Variants in BRAT1 observed in about 807,000 individuals in gnomAD.
The protein encoded by BRAT1 is integrator complex assembly factor BRAT1.
BRAT1 carries 74 observed loss-of-function variants against 70.6 expected under a neutral mutation model. That is an observed-to-expected ratio of 1.05 (90% CI 0.87 to 1.27). The LOEUF (loss-of-function observed/expected upper bound fraction) is 1.27, where lower values mean the gene tolerates loss of function less well. Ranked by LOEUF, BRAT1 falls within the 50% of genes most tolerant of loss-of-function variation. The pLI, the probability that BRAT1 is intolerant of heterozygous loss-of-function variation, is 0.00. For synonymous variants in BRAT1, 615 were observed against 517.1 expected, an observed-to-expected ratio of 1.19 and a Z score of -2.57; for missense variants, 1,203 against 1,098.2, an observed-to-expected ratio of 1.10 and a Z score of -1.35.
chr7:2,543,318 G>C lies in BRAT1; in HGVS notation c.809C>G (p.Pro270Arg), dbSNP rs1779328520. 6.2e-7 allele frequency: 1 copy of C among 1,600,894 alleles called. No individual in the cohort carries two copies. Among genetic ancestry groups the C allele is most frequent in the Non-Finnish European group, 8.5e-7 (1 of 1,173,082 alleles). Residue 270 changes from proline to arginine, a missense_variant, in exon 6 of 14, where the codon CCC becomes CGC. By Grantham distance (103) the Pro-to-Arg change is moderately radical (BLOSUM62 -2). Transcript: ENST00000340611. The surrounding 1 kb of genome is among the most constrained non-coding windows in gnomAD (Gnocchi z 5.5). ...VDLLLCVARSPVFSSSDGSLW... is the reference protein window; with the variant it reads ...VDLLLCVARSRVFSSSDGSLW... Reference sequence around the variant, plus strand: ...GCTGCCGTCGGAAGAACTGAACACGGGAGAACTGCAGGGAGACCCCAGAGA... The same window carrying C: ...GCTGCCGTCGGAAGAACTGAACACGCGAGAACTGCAGGGAGACCCCAGAGA...
Position 2,538,168 on chromosome 7 carries a change from G to A in BRAT1, c.2367C>T (p.Ala789=), listed in dbSNP as rs200892967. ...LDLEGLRSTL[A]ESSDHVEKSP... ...TCTTTTCCACGTGGTCGCTGCTCTCGGCCAGCGTGCTCCGCAGGCCCTCCA... is the reference window on the plus strand; with the variant it reads ...TCTTTTCCACGTGGTCGCTGCTCTCAGCCAGCGTGCTCCGCAGGCCCTCCA... Residue 789 remains alanine, a synonymous_variant, in exon 14 of 14, where the codon GCC becomes GCT. Coordinates refer to ENST00000340611, the MANE Select transcript of BRAT1 (RefSeq NM_152743.4). 1.3e-5 allele frequency: 21 copies of A among 1,608,810 alleles called. No individual in the cohort carries two copies. Among genetic ancestry groups the A allele is most frequent in the African/African-American group, 4.0e-5 (3 of 74,998 alleles).
intron 3 of BRAT1, among the ~76,000 whole-genome samples, chr7:2,546,538 C>G (rs747427151): frequency 2.0e-5 from 3 of 152,126 alleles, no homozygotes; most frequent in African/African-American, 7.2e-5. Flanking sequence ...AGTTCGTGAT[C>G]AGCCTGGCCA....
intron 3 of BRAT1, 28 bp downstream of exon 3, chr7:2,547,296 A>T: frequency 6.2e-7 from 1 of 1,611,786 alleles, no homozygotes; most frequent in Non-Finnish European, 8.5e-7. Context: ...TCTCCACGGG[A>T]CACTCAGGTG....
intron 12 of BRAT1, 75 bp from the exon 13 acceptor site, chr7:2,539,426 C>A: frequency 6.5e-7 from 1 of 1,528,944 alleles, no homozygotes; most frequent in East Asian, 2.4e-5. Flanking sequence ...CCTCCATCCC[C>A]TTGTGGGCAG....
chr7:2,538,128 G>A lies in BRAT1; in HGVS notation c.2407C>T (p.Leu803=). The A allele has an allele frequency of 6.2e-7, 1 of 1,603,276 alleles. No homozygotes were observed. The highest frequency in any genetic ancestry group is 8.5e-7 in the Non-Finnish European group (1 of 1,172,448). The stretch of plus-strand genomic sequence containing the variant: ...CCTCCCGTGGCCAGCATGTCCTGCA[G>A]GAGGGACTGGGGACTCTTTTCCACG... ...DHVEKSPQSL[L]QDMLATGGFL... The change falls in exon 14 of 14, where the codon CTG becomes TTG. Residue 803 remains leucine, a synonymous_variant. Coordinates refer to ENST00000340611, the MANE Select transcript of BRAT1 (RefSeq NM_152743.4).
At chr7:2,550,032 G>T (rs769296558) in intron 2 of BRAT1, among the ~76,000 whole-genome samples, 11 of 151,948 alleles carry the variant, frequency 7.2e-5, no homozygotes, top group Non-Finnish European at 1.6e-4. Flanking sequence ...GTGTGGTGGT[G>T]TGTCCCTGTA....
chr7:2,548,506 A>T (rs1349977747), intron 2 of BRAT1, among the ~76,000 whole-genome samples: 1 of 151,928 alleles, frequency 6.6e-6, no homozygotes, highest in Non-Finnish European at 1.5e-5. Flanking sequence ...TCTACAAAAA[A>T]TAAAAAAAAA....
chr7:2,551,240 CAA>C (rs200783996), intron 2 of BRAT1, among the ~76,000 whole-genome samples: 4 of 121,638 alleles, frequency 3.3e-5, no homozygotes, highest in Admixed American at 8.4e-5. Context: ...GACTTGGTCT[CAA>C]AAAAAAAAAA....
At chr7:2,541,151 G>A (rs1779124062) in intron 9 of BRAT1, 99 bp from the exon 10 acceptor site, 1 of 1,446,022 alleles carries the variant, frequency 6.9e-7, no homozygotes, top group Admixed American at 2.9e-5. Flanking sequence ...TCCGCCAGCT[G>A]AAACCTCCTG....
At chr7:2,550,481 C>CAAAAAAAAAAAAAAAAAAAAAA (rs369777124) in intron 2 of BRAT1, among the ~76,000 whole-genome samples, 37 of 57,376 alleles carry the variant, frequency 6.4e-4, no homozygotes, top group East Asian at 8.1e-4. Flanking sequence ...AAAAAAAAAA[C>CAAAAAAAAAAAAAAAAAAAAAA]AAAAAAAAAA....
rs780327501 is a variant in BRAT1, at chr7:2,541,723, G to A, written c.1129C>T (p.Pro377Ser). 2 of 1,607,252 alleles carry A rather than the reference G, an allele frequency of 1.2e-6. No homozygotes were observed. Among genetic ancestry groups the A allele is most frequent in the African/African-American group, 1.3e-5 (1 of 74,858 alleles). ...RTLAHLEELQ[P>S]LPQRPSPWPQ... Reference sequence around the variant, plus strand: ...GAGGACCGGGCCGCACCTACCAGCGGCTGCAGCTCCTCCAGGTGAGCCAGG... The same window carrying A: ...GAGGACCGGGCCGCACCTACCAGCGACTGCAGCTCCTCCAGGTGAGCCAGG... Residue 377 changes from proline to serine, a missense_variant, in exon 8 of 14, where the codon CCG (proline) becomes TCG (serine). Transcript: ENST00000340611.
chr7:2,552,106 A>ATATT (rs1245262304), intron 2 of BRAT1, among the ~76,000 whole-genome samples: 3 of 14,214 alleles, frequency 2.1e-4, no homozygotes, highest in Non-Finnish European at 4.1e-4. Flanking sequence ...ATATATATAT[A>ATATT]TTTTTTTTTT....
chr7:2,553,088 A>G (rs1200092132), intron 2 of BRAT1, among the ~76,000 whole-genome samples: 1 of 151,910 alleles, frequency 6.6e-6, no homozygotes, highest in Non-Finnish European at 1.5e-5. Flanking sequence ...GCTGGAGTGC[A>G]GTGGCACGAT....
Position 2,541,767 on chromosome 7 carries a change from G to A in BRAT1, c.1085C>T (p.Ala362Val), listed in dbSNP as rs1779187017. The change falls in exon 8 of 14, where the codon GCC becomes GTC. Residue 362 changes from alanine (A) to valine (V), a missense_variant. By Grantham distance (64) the Ala-to-Val change is moderately conservative. Coordinates refer to ENST00000340611, the MANE Select transcript of BRAT1 (RefSeq NM_152743.4). ...AGCCAGGGTGCGGCACAGGAGGCCG[G>A]CGCAGGACGACTTGGAGGCCAGGAG... ...DTLLASKSSC[A>V]GLLCRTLAHL... The A allele has an allele frequency of 6.2e-7, 1 of 1,612,322 alleles. No individual in the cohort carries two copies. Among genetic ancestry groups the A allele is most frequent in the East Asian group, 2.2e-5 (1 of 44,864 alleles).
At position 2,538,378 on chromosome 7, in the gene BRAT1, A is replaced by C. The variant is rs1288987155; in HGVS notation, c.2157T>G (p.Ser719=). The C allele has an allele frequency of 1.9e-6, 3 of 1,613,522 alleles. No individual in the cohort carries two copies. The highest frequency in any genetic ancestry group is 2.5e-6 in the Non-Finnish European group (3 of 1,179,922). ...CCCTCAGGAAGAGAAGGAGGTCACA[A>C]GACTTCTGCGCCACAGGGCGGTCGC... ...FDCDRPVAQK[S]CDLLLFLRDK... is the part of the protein sequence containing the mutation. Residue 719 remains serine, a synonymous_variant, in exon 14 of 14, where the codon TCT becomes TCG. Transcript: ENST00000340611.
At chr7:2,545,877 T>C (rs1779571408) in intron 3 of BRAT1, among the ~76,000 whole-genome samples, 1 of 152,200 alleles carries the variant, frequency 6.6e-6, no homozygotes, top group Admixed American at 6.5e-5. Flanking sequence ...GGAAAGTCTG[T>C]CCTGCAGCAA....
At chr7:2,544,033 T>C (rs1583312816) in intron 4 of BRAT1, 71 bp from the exon 5 acceptor site, 9 of 995,996 alleles carry the variant, frequency 9.0e-6, no homozygotes, top group Non-Finnish European at 9.3e-6. Flanking sequence ...GCAGAGGGCC[T>C]CAGGGAAGAT....
chr7:2,552,175 T>C (rs1482298844), intron 2 of BRAT1, among the ~76,000 whole-genome samples: 21 of 131,506 alleles, frequency 1.6e-4, no homozygotes, highest in Non-Finnish European at 2.8e-4. Flanking sequence ...TGGAGTGCAA[T>C]GGCGTTATCT....
intron 7 of BRAT1, 122 bp from the exon 8 acceptor site, chr7:2,541,958 C>A: frequency 8.0e-7 from 1 of 1,250,568 alleles, no homozygotes; most frequent in Non-Finnish European, 1.1e-6. Flanking sequence ...AGCAGCTCAC[C>A]AGGGGAGATG....
Sources: gnomAD v4.1 joint callset for allele counts (sites outside exome capture counted in the v4.1 genomes callset) on GRCh38, gnomAD v4.1.1 for gene constraint, Gnocchi (gnomAD v3.1) non-coding constraint, MANE v1.5 for transcripts, NCBI Gene and HGNC (gene_info 2026-07-23, HGNC 2026-07-21) for gene names.